MACROD2: variants seen among roughly 807,000 people sequenced by gnomAD.
MACROD2 encodes the protein ADP-ribose glycohydrolase MACROD2.
A neutral mutation model predicts 70.4 loss-of-function variants in MACROD2; 36 were observed. The observed-to-expected ratio is 0.51, with a 90% CI of 0.39 to 0.68. MACROD2 has a LOEUF of 0.68. Ranked by LOEUF, MACROD2 falls within the 30% of genes least tolerant of loss-of-function variation. The pLI is 0.00. For synonymous variants in MACROD2, 172 were observed against 178.8 expected (o/e 0.96, Z 0.30); for missense variants, 496 against 538.4 (o/e 0.92, Z 0.78).
intron 9 of MACROD2, among the ~76,000 whole-genome samples, chr20:15,882,705 A>G (rs1232457910): frequency 6.6e-6 from 1 of 152,062 alleles, no homozygotes; most frequent in East Asian, 1.9e-4. Flanking sequence ...TTTGTCCTGG[A>G]AGTAAACCGA....
intron 4 of MACROD2, among the ~76,000 whole-genome samples, chr20:14,622,683 G>A (rs985012270): frequency 2.0e-5 from 3 of 152,170 alleles, no homozygotes; most frequent in South Asian, 2.1e-4. Context: ...TCTTGTGATC[G>A]CCTAAGTCTT....
chr20:14,856,106 CCT>C (rs1282703009), intron 5 of MACROD2, among the ~76,000 whole-genome samples: 2 of 152,048 alleles, frequency 1.3e-5, no homozygotes, highest in African/African-American at 4.8e-5. Context: ...GATGCTTGAG[CCT>C]CTCTCTTTTT....
intron 2 of MACROD2, among the ~76,000 whole-genome samples, chr20:14,061,270 A>G (rs368096776): frequency 1.3e-5 from 2 of 152,186 alleles, no homozygotes; most frequent in South Asian, 4.1e-4. Context: ...ATTTGATTAG[A>G]TACTTGAGTT....
chr20:14,373,171 G>A lies in MACROD2; in HGVS notation c.272-120308G>A, dbSNP rs370794768. ...GCAAGTGGCGGTTGCTCTTTCAGCA[G>A]CCCTGCTTTCTCAGACTTTCCAAAC... is the stretch of plus-strand genomic sequence containing the variant. On this transcript the variant is annotated intron_variant, in intron 3 of 17. Transcript: ENST00000684519. 5.1e-3 allele frequency among the ~76,000 whole-genome samples: 774 copies of A among 152,206 alleles called. 11 individuals are homozygous for A. Among genetic ancestry groups the A allele is most frequent in the African/African-American group, 0.017 (715 of 41,544 alleles).
intron 3 of MACROD2, among the ~76,000 whole-genome samples, chr20:14,162,416 T>G (rs1423520211): frequency 6.6e-6 from 1 of 152,200 alleles, no homozygotes; most frequent in Non-Finnish European, 1.5e-5. Flanking sequence ...AATCCAATGT[T>G]TCTTTGCAAA....
chr20:14,159,587 T>C (rs1006871293), intron 3 of MACROD2, among the ~76,000 whole-genome samples: 11 of 152,256 alleles, frequency 7.2e-5, no homozygotes, highest in African/African-American at 2.4e-4. Context: ...CCTGTAACTT[T>C]ACTGAAATTA....
At chr20:15,338,818 C>T (rs2078076713) in intron 6 of MACROD2, among the ~76,000 whole-genome samples, 1 of 151,444 alleles carries the variant, frequency 6.6e-6, no homozygotes, top group Non-Finnish European at 1.5e-5. Context: ...GGTACACACC[C>T]CTATTTTCAA....
At chr20:14,104,425 C>T (rs1309485492) in intron 3 of MACROD2, among the ~76,000 whole-genome samples, 1 of 152,150 alleles carries the variant, frequency 6.6e-6, no homozygotes, top group African/African-American at 2.4e-5. Context: ...CACTGCTTCT[C>T]CTCCTGAAAT....
chr20:15,791,741 T>G (rs2063626615), intron 8 of MACROD2, among the ~76,000 whole-genome samples: 2 of 152,016 alleles, frequency 1.3e-5, no homozygotes, highest in African/African-American at 4.8e-5. Context: ...AGGACCCATA[T>G]GAAGAAAACT....
intron 17 of MACROD2, among the ~76,000 whole-genome samples, chr20:16,046,704 A>T (rs1487927772): frequency 8.0e-6 from 1 of 125,732 alleles, no homozygotes; most frequent in African/African-American, 3.1e-5. Context: ...TTTTTGAGAC[A>T]GAGTCTCACT....
At chr20:14,859,722 T>C (rs2073294241) in intron 5 of MACROD2, among the ~76,000 whole-genome samples, 1 of 152,178 alleles carries the variant, frequency 6.6e-6, no homozygotes, top group African/African-American at 2.4e-5. Flanking sequence ...GCAAATGTTA[T>C]CCATTTTTCC....
At chr20:15,684,145 C>A (rs1264710140) in intron 8 of MACROD2, among the ~76,000 whole-genome samples, 4 of 151,936 alleles carry the variant, frequency 2.6e-5, no homozygotes, top group African/African-American at 9.7e-5. Flanking sequence ...TTCTAATGAC[C>A]TCTTATTTTA....
rs563719981 is a variant in MACROD2, at chr20:15,339,931, A to G, written c.541-91474A>G. Among the ~76,000 whole-genome samples, 110 of 148,472 alleles carry G rather than the reference A, an allele frequency of 7.4e-4. 1 individual carries two copies. The South Asian group carries it at 0.016, about 22-fold the overall frequency. ...GCTGCAGTGAGTGGATTATTGACCA[A>G]CATTTCCTAGTCCTGGAGCCACAGA... On this transcript the variant is annotated intron_variant, in intron 6 of 17. Transcript: ENST00000684519.
At chr20:14,536,752 G>A (rs1196425954) in intron 4 of MACROD2, among the ~76,000 whole-genome samples, 2 of 151,890 alleles carry the variant, frequency 1.3e-5, no homozygotes, top group African/African-American at 2.4e-5. Flanking sequence ...GGCAGATATT[G>A]TTGGAGAACA....
chr20:14,923,969 CT>C (rs2074196993), intron 5 of MACROD2, among the ~76,000 whole-genome samples: 1 of 152,056 alleles, frequency 6.6e-6, no homozygotes. Flanking sequence ...ACGAGCAAAC[CT>C]TTTTGGGTCT....
intron 3 of MACROD2, among the ~76,000 whole-genome samples, chr20:14,321,415 T>C (rs1015863246): frequency 1.3e-5 from 2 of 151,986 alleles, no homozygotes; most frequent in Non-Finnish European, 2.9e-5. Flanking sequence ...AGAATATTTG[T>C]AGAGAACTTT....
intron 5 of MACROD2, among the ~76,000 whole-genome samples, chr20:14,717,898 G>A (rs1020197965): frequency 1.3e-5 from 2 of 152,096 alleles, no homozygotes; most frequent in Non-Finnish European, 2.9e-5. Context: ...GATAAAGTAG[G>A]AAGAAATAAT....
intron 5 of MACROD2, among the ~76,000 whole-genome samples, chr20:15,069,558 C>T (rs1328415250): frequency 6.6e-6 from 1 of 152,236 alleles, no homozygotes; most frequent in Non-Finnish European, 1.5e-5. Context: ...AGGCCCAAGG[C>T]TCCACTTTCC....
intron 4 of MACROD2, among the ~76,000 whole-genome samples, chr20:14,645,430 A>G (rs144096261): frequency 1.3e-5 from 2 of 152,166 alleles, no homozygotes; most frequent in East Asian, 3.9e-4. Context: ...AATGTTGGGA[A>G]CACAGAATTG....
Sources: gnomAD v4.1 joint callset for allele counts (sites outside exome capture counted in the v4.1 genomes callset) on GRCh38, gnomAD v4.1.1 for gene constraint, MANE v1.5 for transcripts, NCBI Gene and HGNC (gene_info 2026-07-23, HGNC 2026-07-21) for gene names.